The following RACGAP1 variants were observed in gnomAD, a reference collection of about 807,000 sequenced individuals.
RACGAP1 encodes Rac GTPase activating protein 1, also known as rac GTPase-activating protein 1.
A neutral mutation model predicts 78.1 loss-of-function variants in RACGAP1; 30 were observed. The ratio of observed to expected loss-of-function variants is 0.38; its 90% CI spans 0.29 to 0.52. RACGAP1 has a LOEUF of 0.52. Ranked by LOEUF, RACGAP1 falls within the 20% of genes least tolerant of loss-of-function variation. The pLI, the probability that RACGAP1 is intolerant of heterozygous loss-of-function variation, is 0.82. For missense variants in RACGAP1, 587 were observed against 777.1 expected (o/e 0.76, Z 2.91); for synonymous variants, 231 against 264.8 (o/e 0.87, Z 1.24).
intron 1 of RACGAP1, among the ~76,000 whole-genome samples, chr12:50,024,871 G>A (rs1950202132): frequency 6.6e-6 from 1 of 152,002 alleles, no homozygotes; most frequent in Non-Finnish European, 1.5e-5. Flanking sequence ...ATCCTGTGAA[G>A]AGAAATGTAC....
intron 7 of RACGAP1, among the ~76,000 whole-genome samples, chr12:50,000,151 C>T (rs1216515220): frequency 4.0e-5 from 6 of 151,746 alleles, no homozygotes; most frequent in Admixed American, 3.3e-4. Context: ...GTAGCTGGGA[C>T]TACAGGCGTC....
At chr12:50,025,268 T>C in intron 1 of RACGAP1, 130 bp downstream of exon 1, 1 of 977,954 alleles carries the variant, frequency 1.0e-6, no homozygotes, top group Non-Finnish European at 1.2e-6. Context: ...GGAGAGGCTG[T>C]GGCTGCCAGC....
At chr12:50,011,032 C>G (rs186610649) in intron 2 of RACGAP1, among the ~76,000 whole-genome samples, 1 of 151,666 alleles carries the variant, frequency 6.6e-6, no homozygotes, top group Non-Finnish European at 1.5e-5. Context: ...GTGGGGAATT[C>G]CTAAGGATCT....
intron 1 of RACGAP1, among the ~76,000 whole-genome samples, chr12:50,024,730 A>G (rs955422084): frequency 6.6e-6 from 1 of 152,094 alleles, no homozygotes; most frequent in Non-Finnish European, 1.5e-5. Context: ...GCCTTCTCTA[A>G]ACACCTACAA....
At chr12:50,029,386 A>AAAACAAAC (rs139765536), upstream of RACGAP1, among the ~76,000 whole-genome samples, 4 of 150,882 alleles carry the variant, frequency 2.7e-5, no homozygotes, top group Admixed American at 2.7e-4. Flanking sequence ...CTCCATCTCA[A>AAAACAAAC]AAACAAACAA....
chr12:50,001,284 T>C, intron 6 of RACGAP1, 32 bp from the exon 7 acceptor site: 1 of 1,524,312 alleles, frequency 6.6e-7, no homozygotes, highest in Non-Finnish European at 9.1e-7. Flanking sequence ...GTAACTTTAA[T>C]GCCAAGCAGA....
At chr12:49,994,390 C>G in intron 11 of RACGAP1, 24 bp downstream of exon 11, 1 of 1,612,984 alleles carries the variant, frequency 6.2e-7, no homozygotes, top group Non-Finnish European at 8.5e-7. Flanking sequence ...AACAAATTCA[C>G]CATCTCCTAC....
chr12:50,023,677 G>A (rs1204616563), intron 1 of RACGAP1, among the ~76,000 whole-genome samples: 5 of 152,000 alleles, frequency 3.3e-5, no homozygotes, highest in African/African-American at 7.3e-5. Context: ...AGTTTGCAGT[G>A]AGCCAAGATC....
intron 13 of RACGAP1, 81 bp from the exon 14 acceptor site, chr12:49,992,458 T>TCATCCCTCATACTCCC: frequency 6.3e-7 from 1 of 1,584,564 alleles, no homozygotes; most frequent in East Asian, 2.2e-5. Flanking sequence ...AGAAAACAAT[T>TCATCCCTCATACTCCC]CATCCCTCAT....
intron 15 of RACGAP1, among the ~76,000 whole-genome samples, chr12:49,991,788 G>A (rs1205182453): frequency 6.6e-6 from 1 of 151,524 alleles, no homozygotes; most frequent in Non-Finnish European, 1.5e-5. Context: ...ACCATGCCCA[G>A]CCTATTATAT....
At chr12:50,008,574 C>A (rs1191883810) in intron 2 of RACGAP1, among the ~76,000 whole-genome samples, 1 of 147,672 alleles carries the variant, frequency 6.8e-6, no homozygotes, top group Non-Finnish European at 1.5e-5. Flanking sequence ...CTCACCGCAA[C>A]CTCCGCCTCC....
intron 9 of RACGAP1, among the ~76,000 whole-genome samples, chr12:49,998,900 A>G (rs1290397738): frequency 6.6e-6 from 1 of 152,070 alleles, no homozygotes; most frequent in African/African-American, 2.4e-5. Context: ...TCTGTCTCAA[A>G]TTAAAAAAAA....
intron 3 of RACGAP1, among the ~76,000 whole-genome samples, chr12:50,005,807 A>G (rs1272184535): frequency 1.3e-5 from 2 of 152,222 alleles, no homozygotes; most frequent in Admixed American, 1.3e-4. Context: ...ATACAAAGCT[A>G]TAATGCACTG....
chr12:50,016,560 C>T, intron 2 of RACGAP1, 71 bp downstream of exon 2: 1 of 1,467,360 alleles, frequency 6.8e-7, no homozygotes, highest in South Asian at 1.1e-5. Flanking sequence ...TTGGAAAATA[C>T]TTCAGCTTTG....
rs1043322181 is a variant in RACGAP1 at position 49,997,183 on chromosome 12, C to A, written c.901G>T (p.Val301Phe). ...AATTTTATCCGCTTTCCACATGGAACACAGGATTCAGGTTTAATAACCTGG... is the reference window on the plus strand; with the variant it reads ...AATTTTATCCGCTTTCCACATGGAAAACAGGATTCAGGTTTAATAACCTGG... ...SKTVIKPESC[V>F]PCGKRIKFGK... The change falls in exon 10 of 17, where the codon GTT (valine) becomes TTT (phenylalanine). Residue 301 changes from valine (V) to phenylalanine (F), a missense_variant. Coordinates refer to ENST00000312377, the MANE Select transcript of RACGAP1 (RefSeq NM_001319999.2). The A allele has an allele frequency of 6.3e-7, 1 of 1,598,310 alleles. No homozygotes were observed. Among genetic ancestry groups the A allele is most frequent in the South Asian group, 1.1e-5 (1 of 89,858 alleles).
intron 9 of RACGAP1, among the ~76,000 whole-genome samples, chr12:49,998,519 A>C (rs868493818): frequency 6.6e-6 from 1 of 152,224 alleles, no homozygotes; most frequent in African/African-American, 2.4e-5. Flanking sequence ...GGATTTTTAT[A>C]AGGAAATAAA....
chr12:50,024,042 T>C (rs1406672257), intron 1 of RACGAP1, among the ~76,000 whole-genome samples: 1 of 151,596 alleles, frequency 6.6e-6, no homozygotes, highest in Non-Finnish European at 1.5e-5. Flanking sequence ...GCCCCTATAG[T>C]CCCAGCTACT....
intron 1 of RACGAP1, among the ~76,000 whole-genome samples, chr12:50,024,064 G>T (rs904891490): frequency 1.3e-5 from 2 of 152,138 alleles, no homozygotes; most frequent in Non-Finnish European, 2.9e-5. Flanking sequence ...GGGAGGCTGA[G>T]GCAGGAGAAT....
intron 3 of RACGAP1, 90 bp from the exon 4 acceptor site, chr12:50,005,482 A>T: frequency 6.8e-7 from 1 of 1,472,434 alleles, no homozygotes. Flanking sequence ...AGAAGACATT[A>T]AAATGCAGCA....
Sources: gnomAD v4.1 joint callset for allele counts (sites outside exome capture counted in the v4.1 genomes callset) on GRCh38, gnomAD v4.1.1 for gene constraint, MANE v1.5 for transcripts, NCBI Gene and HGNC (gene_info 2026-07-23, HGNC 2026-07-21) for gene names.